SPAG17: variants seen among roughly 807,000 people sequenced by gnomAD.
SPAG17 encodes the protein sperm-associated antigen 17.
In SPAG17, 169 loss-of-function variants were observed where a neutral mutation model predicts 273.6. That is an observed-to-expected ratio of 0.62 (90% CI 0.55 to 0.70). The LOEUF (loss-of-function observed/expected upper bound fraction) is 0.70, where lower values mean the gene tolerates loss of function less well. Among genes scored for constraint, SPAG17 ranks in the 30% least tolerant of loss-of-function variants. SPAG17 has a pLI of 0.00. For synonymous variants in SPAG17, 825 were observed against 873.2 expected (o/e 0.94, Z 0.97); for missense variants, 2,557 against 2,627.8 (o/e 0.97, Z 0.59).
chr1:118,105,709 C>T (rs141483231), intron 4 of SPAG17, among the ~76,000 whole-genome samples: 3 of 151,992 alleles, frequency 2.0e-5, no homozygotes, highest in African/African-American at 7.2e-5. Flanking sequence ...GAGAACAGGA[C>T]ATCTCAAGAC....
intron 43 of SPAG17, among the ~76,000 whole-genome samples, chr1:117,978,869 CT>C (rs370678516): frequency 0.33 from 46,178 of 139,842 alleles, 8,375 homozygotes; most frequent in South Asian, 0.45. Flanking sequence ...TCTTCCTCTT[CT>C]TTTTTTTTTT....
At position 118,115,449 on chromosome 1, in the gene SPAG17, G is replaced by A; in HGVS notation, c.316-8C>T. On this transcript the variant is annotated splice_polypyrimidine_tract_variant and splice_region_variant and intron_variant, in intron 3 of 48. Coordinates refer to ENST00000336338, the MANE Select transcript of SPAG17 (RefSeq NM_206996.4). Reference sequence around the variant, plus strand: ...TTTTGCTGCCGTTAACACCTATACAGAAACACAATTATTAGAAAAAGTGAT... The same window carrying A: ...TTTTGCTGCCGTTAACACCTATACAAAAACACAATTATTAGAAAAAGTGAT... 1.2e-6 allele frequency: 2 copies of A among 1,601,036 alleles called. No individual in the cohort carries two copies. The highest frequency in any genetic ancestry group is 4.5e-5 in the East Asian group (2 of 44,608).
chr1:117,971,694 TTGA>T, intron 45 of SPAG17, 166 bp downstream of exon 45: 2 of 500,372 alleles, frequency 4.0e-6, no homozygotes, highest in South Asian at 4.8e-5. Context: ...CACTGATTTG[TTGA>T]TGAATGAATG....
chr1:118,169,746 A>T (rs1390497531), intron 1 of SPAG17, among the ~76,000 whole-genome samples: 1 of 152,182 alleles, frequency 6.6e-6, no homozygotes, highest in African/African-American at 2.4e-5. Context: ...CATTTCAACA[A>T]TACCTATCTT....
At chr1:118,124,276 C>T (rs1044774366) in intron 3 of SPAG17, among the ~76,000 whole-genome samples, 2 of 152,096 alleles carry the variant, frequency 1.3e-5, no homozygotes, top group African/African-American at 4.8e-5. Flanking sequence ...CATTCTTGGT[C>T]CTTGCAGTTG....
chr1:118,013,288 C>G (rs1484362835), intron 29 of SPAG17, among the ~76,000 whole-genome samples: 1 of 152,230 alleles, frequency 6.6e-6, no homozygotes, highest in Non-Finnish European at 1.5e-5. Flanking sequence ...TGTTTTCTGA[C>G]TCCAAAGTTC....
intron 19 of SPAG17, among the ~76,000 whole-genome samples, chr1:118,054,952 C>T (rs1651494012): frequency 1.3e-5 from 2 of 152,072 alleles, no homozygotes; most frequent in African/African-American, 4.8e-5. Context: ...TATGAGAAAT[C>T]CCTCTCACTT....
At chr1:118,019,491 G>A (rs572549866) in intron 28 of SPAG17, among the ~76,000 whole-genome samples, 1 of 151,954 alleles carries the variant, frequency 6.6e-6, no homozygotes, top group African/African-American at 2.4e-5. Context: ...AAAGTTCAAG[G>A]CCTCTTAAAT....
At chr1:118,004,263 C>T (rs980929776) in intron 32 of SPAG17, among the ~76,000 whole-genome samples, 7 of 152,242 alleles carry the variant, frequency 4.6e-5, no homozygotes, top group South Asian at 2.1e-4. Context: ...TTAGGCTACA[C>T]GGGGGTCATG....
At position 118,076,787 on chromosome 1, in the gene SPAG17, T is replaced by C. The variant is rs1037815328; in HGVS notation, c.2210-2187A>G. ...TCAACCACATAATCCTTTGACAGTGTGATTCAGTAGTTTTTGACACATCTG... is the reference window on the plus strand; with the variant it reads ...TCAACCACATAATCCTTTGACAGTGCGATTCAGTAGTTTTTGACACATCTG... On this transcript the variant is annotated intron_variant, in intron 15 of 48. Coordinates refer to ENST00000336338, the MANE Select transcript of SPAG17 (RefSeq NM_206996.4). 3.3e-5 allele frequency among the ~76,000 whole-genome samples: 5 copies of C among 152,142 alleles called. No individual in the cohort carries two copies. The South Asian group carries it at 1.0e-3, about 32-fold the overall frequency.
chr1:118,000,854 C>G (rs141538863), intron 32 of SPAG17, among the ~76,000 whole-genome samples: 8,045 of 152,120 alleles, frequency 0.053, 438 homozygotes, highest in East Asian at 0.3. Context: ...ACTTCTGACA[C>G]TATGTTGAAT....
chr1:118,016,790 C>T (rs867024994), intron 28 of SPAG17, among the ~76,000 whole-genome samples: 2 of 152,144 alleles, frequency 1.3e-5, no homozygotes, highest in African/African-American at 4.8e-5. Flanking sequence ...CCATCCTTTA[C>T]CTCCCACTCA....
intron 43 of SPAG17, among the ~76,000 whole-genome samples, chr1:117,976,564 C>T (rs1434631607): frequency 6.6e-6 from 1 of 152,166 alleles, no homozygotes; most frequent in Non-Finnish European, 1.5e-5. Flanking sequence ...GCATGTGCTT[C>T]TGCTGGACTC....
intron 28 of SPAG17, among the ~76,000 whole-genome samples, chr1:118,019,361 A>T (rs1370722431): frequency 6.6e-6 from 1 of 152,166 alleles, no homozygotes; most frequent in Non-Finnish European, 1.5e-5. Context: ...AATTTAAAAA[A>T]TTAACATGCA....
At chr1:118,070,699 G>C (rs1429589385) in intron 17 of SPAG17, among the ~76,000 whole-genome samples, 3 of 152,116 alleles carry the variant, frequency 2.0e-5, no homozygotes, top group African/African-American at 7.2e-5. Flanking sequence ...AAATGTTAAT[G>C]ATATATTATA....
intron 20 of SPAG17, among the ~76,000 whole-genome samples, chr1:118,047,758 G>A (rs1465467198): frequency 6.6e-6 from 1 of 151,290 alleles, no homozygotes; most frequent in Non-Finnish European, 1.5e-5. Context: ...AGGCTGGCAA[G>A]TGCAAAACCT....
intron 47 of SPAG17, 96 bp from the exon 48 acceptor site, chr1:117,964,034 C>T: frequency 7.2e-7 from 1 of 1,390,636 alleles, no homozygotes; most frequent in Non-Finnish European, 9.8e-7. Context: ...TCTTCTCTGG[C>T]AACATCAGTT....
At chr1:118,029,492 A>G (rs571455279) in intron 25 of SPAG17, among the ~76,000 whole-genome samples, 1 of 152,278 alleles carries the variant, frequency 6.6e-6, no homozygotes, top group South Asian at 2.1e-4. Flanking sequence ...TGTTATTAGG[A>G]TATCTGTCCT....
intron 3 of SPAG17, among the ~76,000 whole-genome samples, chr1:118,133,625 G>A (rs1350577662): frequency 6.6e-6 from 1 of 152,104 alleles, no homozygotes; most frequent in Non-Finnish European, 1.5e-5. Context: ...TTCCTCATCT[G>A]GGATCACTCT....
Sources: gnomAD v4.1 joint callset for allele counts (sites outside exome capture counted in the v4.1 genomes callset) on GRCh38, gnomAD v4.1.1 for gene constraint, MANE v1.5 for transcripts, NCBI Gene and HGNC (gene_info 2026-07-23, HGNC 2026-07-21) for gene names.